SLC7A7: variants seen among roughly 807,000 people sequenced by gnomAD.
The protein encoded by SLC7A7 is solute carrier family 7 member 7.
In SLC7A7, 39 loss-of-function variants were observed where a neutral mutation model predicts 47.9. The observed-to-expected ratio is 0.81, with a 90% CI of 0.63 to 1.06. The LOEUF (loss-of-function observed/expected upper bound fraction) is 1.06. Among genes scored for constraint, SLC7A7 ranks in the 50% least tolerant of loss-of-function variants. The pLI, the probability that SLC7A7 is intolerant of heterozygous loss-of-function variation, is 0.00. For synonymous variants in SLC7A7, 234 were observed against 242.8 expected, an observed-to-expected ratio of 0.96 and a Z score of 0.34; for missense variants, 588 against 632.0, an observed-to-expected ratio of 0.93 and a Z score of 0.75.
At position 22,775,910 on chromosome 14, in the gene SLC7A7, T is replaced by C. The variant is rs2038594628; in HGVS notation, c.921A>G (p.Ile307Met). The C allele has an allele frequency of 6.2e-7, 1 of 1,613,884 alleles. No homozygotes were observed. Among genetic ancestry groups the C allele is most frequent in the Non-Finnish European group, 8.5e-7 (1 of 1,179,754 alleles). The change falls in exon 6 of 10, where the codon ATA (isoleucine) becomes ATG (methionine). Residue 307 changes from isoleucine to methionine, a missense_variant. By Grantham distance (10) the Ile-to-Met change is conservative (BLOSUM62 1). Coordinates refer to ENST00000674313, the MANE Select transcript of SLC7A7 (RefSeq NM_003982.4). ...AVTFADQIFG[I>M]FNWIIPLSVA... is the part of the protein sequence containing the mutation. The stretch of plus-strand genomic sequence containing the variant: ...CTGACAGTGGAATTATCCAGTTAAA[T>C]ATTCCAAATATCTGATCTGCAAAAG...
chr14:22,806,185 C>CTTT lies in SLC7A7; in HGVS notation c.499+6714_499+6715insAAA, dbSNP rs1285111671. Among the ~76,000 whole-genome samples, 44 of 119,906 alleles carry CTTT rather than the reference C, an allele frequency of 3.7e-4. 2 individuals carry two copies. Among genetic ancestry groups the CTTT allele is most frequent in the African/African-American group, 6.5e-4 (20 of 30,924 alleles). The allele number at this position is 119,906 out of a possible 152,430, so 78.7% of individuals were successfully genotyped here. A position where few individuals can be genotyped will look rare whatever the true frequency, so the allele number is the denominator to read the frequency against. Reference sequence around the variant, plus strand: ...CTGACATTATCATTCACACATCAATCTCTTTTTTTTTTTTTTTTTTTTTTT... The same window carrying CTTT: ...CTGACATTATCATTCACACATCAATCTTTTCTTTTTTTTTTTTTTTTTTTTTTT... On this transcript the variant is annotated intron_variant, in intron 2 of 9. Coordinates refer to ENST00000674313, the MANE Select transcript of SLC7A7 (RefSeq NM_003982.4).
upstream of SLC7A7, chr14:22,815,562 C>T (rs1023730992): frequency 1.3e-5 from 6 of 454,032 alleles, no homozygotes; most frequent in African/African-American, 1.2e-4. Context: ...TTCACTGGCC[C>T]TTCACATCTG....
chr14:22,814,774 G>C (rs915742914), intron 1 of SLC7A7: 2 of 156,480 alleles, frequency 1.3e-5, no homozygotes, highest in South Asian at 3.8e-4. Context: ...AAAACTAAAG[G>C]CTTCAGAAAC....
At position 22,812,924 on chromosome 14, in the gene SLC7A7, G is replaced by A. The variant is rs11568437; in HGVS notation, c.475C>T (p.Arg159Cys). Reference sequence around the variant, plus strand: ...CAAATGCAGGCAGCAGCCAGCAGGCGGCTGGCAGCATAAGGGGCGAAGCAG... The same window carrying A: ...CAAATGCAGGCAGCAGCCAGCAGGCAGCTGGCAGCATAAGGGGCGAAGCAG... Reference protein sequence around the residue: ...PSCFAPYAASRLLAAACICLL... With the variant: ...PSCFAPYAASCLLAAACICLL... The change falls in exon 2 of 10, where the codon CGC becomes TGC. Residue 159 changes from arginine to cysteine, a missense_variant. Coordinates refer to ENST00000674313, the MANE Select transcript of SLC7A7 (RefSeq NM_003982.4). 162 of 1,613,494 alleles carry A rather than the reference G, an allele frequency of 1.0e-4. No individual in the cohort carries two copies. Among genetic ancestry groups the A allele is most frequent in the Non-Finnish European group, 6.0e-5 (71 of 1,179,988 alleles).
chr14:22,794,495 C>T (rs2038978351), intron 2 of SLC7A7, among the ~76,000 whole-genome samples: 1 of 152,130 alleles, frequency 6.6e-6, no homozygotes, highest in South Asian at 2.1e-4. Flanking sequence ...AGCTAGGGGT[C>T]AGTTCAAGTC....
intron 2 of SLC7A7, among the ~76,000 whole-genome samples, chr14:22,798,329 A>AAAGGAG (rs1227484796): frequency 2.2e-4 from 34 of 152,064 alleles, no homozygotes; most frequent in African/African-American, 8.2e-4. Flanking sequence ...AGAAGGAGGA[A>AAAGGAG]AAGGAGAAGG....
Position 22,773,607 on chromosome 14 carries a change from T to G in SLC7A7, c.*3A>C, listed in dbSNP as rs1279546828. 1 of 1,609,902 alleles carries G rather than the reference T, an allele frequency of 6.2e-7. No homozygotes were observed. Among genetic ancestry groups the G allele is most frequent in the Non-Finnish European group, 8.5e-7 (1 of 1,176,072 alleles). On this transcript the variant is annotated 3_prime_UTR_variant, in exon 10 of 10. Transcript: ENST00000674313. ...CTTTCCACATCAGGATTCCAGATGG[T>G]GTTTAGTTAGATTTGGGATCCCGTT... is the stretch of plus-strand genomic sequence containing the variant.
At chr14:22,807,173 A>T (rs55650444) in intron 2 of SLC7A7, among the ~76,000 whole-genome samples, 23,500 of 152,024 alleles carry the variant, frequency 0.15, 1,904 homozygotes, top group South Asian at 0.16. Flanking sequence ...TGCTGGGATT[A>T]CAGGCGTGAG....
chr14:22,788,706 A>G (rs1410424602), intron 2 of SLC7A7, among the ~76,000 whole-genome samples: 10 of 106,380 alleles, frequency 9.4e-5, no homozygotes, highest in East Asian at 7.0e-4. Context: ...TCTGTCTGGG[A>G]AAAAAAAAAA....
chr14:22,803,335 T>C (rs1311885393), intron 2 of SLC7A7, among the ~76,000 whole-genome samples: 1 of 152,130 alleles, frequency 6.6e-6, no homozygotes, highest in African/African-American at 2.4e-5. Context: ...GGAGAATCGC[T>C]TGAACCCGGA....
At chr14:22,791,831 C>CT (rs35316014) in intron 2 of SLC7A7, among the ~76,000 whole-genome samples, 12,849 of 53,412 alleles carry the variant, frequency 0.24, 1,200 homozygotes, top group African/African-American at 0.35. Flanking sequence ...ATCTCTACAC[C>CT]TTTTTTTTTT....
chr14:22,798,361 T>A (rs769787554), intron 2 of SLC7A7, among the ~76,000 whole-genome samples: 25 of 151,960 alleles, frequency 1.6e-4, no homozygotes, highest in Non-Finnish European at 3.7e-4. Context: ...AAGAGGAAAC[T>A]GAGGCTAATA....
intron 4 of SLC7A7, among the ~76,000 whole-genome samples, chr14:22,777,479 T>C (rs2038635904): frequency 1.3e-5 from 2 of 152,092 alleles, no homozygotes; most frequent in South Asian, 4.1e-4. Flanking sequence ...CCATCCTAAC[T>C]GGTGGGCAAA....
At chr14:22,811,817 A>G (rs1478164346) in intron 2 of SLC7A7, among the ~76,000 whole-genome samples, 1 of 145,020 alleles carries the variant, frequency 6.9e-6, no homozygotes, top group African/African-American at 2.5e-5. Context: ...GCACCACTCA[A>G]GCCTGGGCGA....
chr14:22,790,048 G>C (rs2038896873), intron 2 of SLC7A7, among the ~76,000 whole-genome samples: 1 of 152,158 alleles, frequency 6.6e-6, no homozygotes. Context: ...TCATATGTTG[G>C]CTGGGCACAG....
chr14:22,792,807 G>A (rs1484423024), intron 2 of SLC7A7, among the ~76,000 whole-genome samples: 3 of 148,330 alleles, frequency 2.0e-5, no homozygotes, highest in Non-Finnish European at 3.0e-5. Context: ...GCAGTGAGCC[G>A]AGATTGCACC....
intron 2 of SLC7A7, among the ~76,000 whole-genome samples, chr14:22,792,919 CTT>C (rs1193907488): frequency 1.1e-4 from 14 of 132,004 alleles, no homozygotes; most frequent in Non-Finnish European, 6.5e-5. Context: ...AGAAAAATAT[CTT>C]TTTTTTTTTT....
chr14:22,774,954 A>G (rs529790809), intron 7 of SLC7A7, among the ~76,000 whole-genome samples: 11 of 151,924 alleles, frequency 7.2e-5, no homozygotes, highest in South Asian at 6.2e-4. Context: ...GGGATACTCA[A>G]CCTGTATTAA....
At chr14:22,795,247 ATT>A (rs10574852) in intron 2 of SLC7A7, among the ~76,000 whole-genome samples, 78,370 of 115,042 alleles carry the variant, frequency 0.68, 25,713 homozygotes, top group East Asian at 0.87. Flanking sequence ...TGCCCAATTA[ATT>A]TTTTTTTTTT....
Sources: gnomAD v4.1 joint callset for allele counts (sites outside exome capture counted in the v4.1 genomes callset) on GRCh38, gnomAD v4.1.1 for gene constraint, MANE v1.5 for transcripts, NCBI Gene and HGNC (gene_info 2026-07-23, HGNC 2026-07-21) for gene names.